The following TRAPPC9 variants were observed in gnomAD, a reference collection of about 807,000 sequenced individuals.
TRAPPC9 encodes IKK2 binding protein.
Under a neutral mutation model 124.0 loss-of-function variants are expected in TRAPPC9, and 83 were observed. That is an observed-to-expected ratio of 0.67 (90% CI 0.56 to 0.80). TRAPPC9 has a LOEUF of 0.80. Among genes scored for constraint, TRAPPC9 ranks in the 30% least tolerant of loss-of-function variants. The pLI is 0.00. For synonymous variants in TRAPPC9, 638 were observed against 617.5 expected (o/e 1.03, Z -0.49); for missense variants, 1,302 against 1,508.3 (o/e 0.86, Z 2.27).
At chr8:139,860,532 C>A (rs1282856173) in intron 21 of TRAPPC9, among the ~76,000 whole-genome samples, 2 of 152,218 alleles carry the variant, frequency 1.3e-5, no homozygotes, top group African/African-American at 4.8e-5. Flanking sequence ...CTCAAAGAGG[C>A]TCTGACAGTC....
chr8:139,949,116 A>G (rs1220590651), intron 19 of TRAPPC9, among the ~76,000 whole-genome samples: 1 of 152,146 alleles, frequency 6.6e-6, no homozygotes, highest in African/African-American at 2.4e-5. Flanking sequence ...TAATTAAAAC[A>G]GAAATTTCTG....
At chr8:139,785,055 G>A (rs571190428) in intron 21 of TRAPPC9, among the ~76,000 whole-genome samples, 84 of 152,312 alleles carry the variant, frequency 5.5e-4, no homozygotes, top group South Asian at 4.4e-3. Flanking sequence ...TTAAGACTGC[G>A]TGGTATTAGT....
At chr8:139,921,339 A>G (rs1471195966) in intron 19 of TRAPPC9, among the ~76,000 whole-genome samples, 1 of 152,252 alleles carries the variant, frequency 6.6e-6, no homozygotes, top group Non-Finnish European at 1.5e-5. Flanking sequence ...AACAGCTGTC[A>G]TCTTGCAGGC....
intron 17 of TRAPPC9, among the ~76,000 whole-genome samples, chr8:140,147,114 C>T (rs1309027116): frequency 6.6e-6 from 1 of 152,162 alleles, no homozygotes; most frequent in African/African-American, 2.4e-5. Flanking sequence ...TCATATTTTA[C>T]TCTACCCTAC....
chr8:140,350,179 T>C (rs2067511525), intron 9 of TRAPPC9, among the ~76,000 whole-genome samples: 1 of 152,274 alleles, frequency 6.6e-6, no homozygotes, highest in Admixed American at 6.5e-5. Flanking sequence ...AATTCTGCTC[T>C]GAAAATAACA....
At chr8:139,818,603 AAC>A (rs1254008282) in intron 21 of TRAPPC9, among the ~76,000 whole-genome samples, 2 of 152,260 alleles carry the variant, frequency 1.3e-5, no homozygotes, top group South Asian at 4.2e-4. Context: ...AAAAAATAGT[AAC>A]ACAGTCAGTG....
At chr8:140,431,331 C>A (rs1320734959) in intron 4 of TRAPPC9, among the ~76,000 whole-genome samples, 1 of 151,988 alleles carries the variant, frequency 6.6e-6, no homozygotes, top group Non-Finnish European at 1.5e-5. Context: ...GTGGTGGGTG[C>A]CTGTAATCCC....
At chr8:139,966,648 C>T (rs1257806194) in intron 19 of TRAPPC9, among the ~76,000 whole-genome samples, 1 of 152,206 alleles carries the variant, frequency 6.6e-6, no homozygotes, top group African/African-American at 2.4e-5. Context: ...CCTTTCTAAT[C>T]CCACTGTAAC....
chr8:139,797,718 G>A (rs1204273395), intron 21 of TRAPPC9, among the ~76,000 whole-genome samples: 1 of 152,170 alleles, frequency 6.6e-6, no homozygotes, highest in Admixed American at 6.5e-5. Flanking sequence ...TTTGCATAAG[G>A]ATCTCTGGTT....
intron 21 of TRAPPC9, among the ~76,000 whole-genome samples, chr8:139,733,969 G>T (rs1158087606): frequency 6.6e-6 from 1 of 152,238 alleles, no homozygotes; most frequent in Non-Finnish European, 1.5e-5. Flanking sequence ...TCCTGCCTGG[G>T]TTCCACTGCC....
At chr8:140,209,774 T>C (rs758833394) in intron 17 of TRAPPC9, among the ~76,000 whole-genome samples, 22 of 152,340 alleles carry the variant, frequency 1.4e-4, no homozygotes, top group Non-Finnish European at 2.8e-4. Flanking sequence ...TCAGATAGGC[T>C]AAAGGGTTTA....
chr8:139,743,617 T>A (rs1347570262), intron 21 of TRAPPC9, among the ~76,000 whole-genome samples: 1 of 152,144 alleles, frequency 6.6e-6, no homozygotes, highest in Non-Finnish European at 1.5e-5. Flanking sequence ...ATCAAGGAGT[T>A]TTCTCCCTCT....
intron 17 of TRAPPC9, among the ~76,000 whole-genome samples, chr8:140,086,336 A>C (rs531872242): frequency 4.5e-4 from 68 of 152,316 alleles, no homozygotes; most frequent in Middle Eastern, 3.4e-3. Context: ...GAGACAGAAG[A>C]AGCGGGGTAG....
intron 12 of TRAPPC9, among the ~76,000 whole-genome samples, chr8:140,290,074 C>T (rs555384940): frequency 6.6e-6 from 1 of 152,276 alleles, no homozygotes; most frequent in East Asian, 1.9e-4. Flanking sequence ...AGGCAGACTC[C>T]CGTCCACAAC....
chr8:140,287,683 G>C lies in TRAPPC9; in HGVS notation c.1906C>G (p.Leu636Val). The change falls in exon 13 of 23, where the codon CTT becomes GTT. Residue 636 changes from leucine to valine, a missense_variant. By Grantham distance (32) the Leu-to-Val change is conservative. This residue lies in a region of TRAPPC9 where 640 missense variants were observed against 679.3 expected (regional missense o/e 0.94). Transcript: ENST00000438773. The part of the protein sequence containing the change: ...EFESLPAALS[L>V]PAESGLYPVT... ...GGGTACAGACCAGATTCAGCCGGAA[G>C]AGAAAGCGCCGCAGGGAGAGACTCG... is the stretch of plus-strand genomic sequence containing the variant. 6.2e-7 allele frequency: 1 copy of C among 1,614,220 alleles called. No homozygotes were observed. The highest frequency in any genetic ancestry group is 8.5e-7 in the Non-Finnish European group (1 of 1,180,042).
At chr8:140,333,556 A>G (rs1208475100) in intron 9 of TRAPPC9, among the ~76,000 whole-genome samples, 1 of 152,138 alleles carries the variant, frequency 6.6e-6, no homozygotes, top group Non-Finnish European at 1.5e-5. Flanking sequence ...ATGCCCAGCT[A>G]ATTTTTATAC....
intron 19 of TRAPPC9, chr8:139,933,810 C>T (rs1833349142): frequency 6.6e-6 from 1 of 152,206 alleles, no homozygotes; most frequent in African/African-American, 2.4e-5. Flanking sequence ...CTATGGATTC[C>T]AGATCCACCT....
Position 139,730,371 on chromosome 8 carries a change from AC to A in TRAPPC9, c.*689del. 1 of 152,422 alleles carries A rather than the reference AC, an allele frequency of 6.6e-6. No homozygotes were observed. The highest frequency in any genetic ancestry group is 1.9e-4 in the East Asian group (1 of 5,154). The allele number at this position is 152,422 out of a possible 1,614,324, so 9.4% of individuals were successfully genotyped here. On this transcript the variant is annotated 3_prime_UTR_variant, in exon 23 of 23. Transcript: ENST00000438773. ...GGGGAGGCAGGCCATTTATTGAAGAACTGCTTGCAGACATGGACACACACAG... is the reference window on the plus strand; with the variant it reads ...GGGGAGGCAGGCCATTTATTGAAGAATGCTTGCAGACATGGACACACACAG...
At chr8:140,154,170 G>A (rs186962082) in intron 17 of TRAPPC9, among the ~76,000 whole-genome samples, 6 of 152,068 alleles carry the variant, frequency 3.9e-5, no homozygotes, top group East Asian at 1.9e-4. Context: ...CCTTTCCCAC[G>A]TGCCCTAGCT....
Sources: allele counts gnomAD v4.1 joint callset (sites outside exome capture counted in the v4.1 genomes callset), GRCh38; gene constraint gnomAD v4.1.1; regional missense constraint gnomAD v4.1.1; transcripts MANE v1.5; gene names NCBI Gene and HGNC (gene_info 2026-07-23, HGNC 2026-07-21).